The following POU2F1 variants were observed in gnomAD, a reference collection of about 807,000 sequenced individuals.
POU2F1 encodes POU class 2 homeobox 1, also known as POU domain, class 2, transcription factor 1.
In POU2F1, 16 loss-of-function variants were observed where a neutral mutation model predicts 84.9. That is an observed-to-expected ratio of 0.19 (90% CI 0.13 to 0.29). The LOEUF is 0.29. POU2F1 is among the 10% of genes least tolerant of loss of function. The pLI, the probability that POU2F1 is intolerant of heterozygous loss-of-function variation, is 1.00. For synonymous variants in POU2F1, 368 were observed against 368.3 expected (o/e 1.00, Z 0.01); for missense variants, 738 against 942.6 (o/e 0.78, Z 2.84).
At chr1:167,246,509 A>AT (rs1211414529) in intron 1 of POU2F1, among the ~76,000 whole-genome samples, 1 of 152,168 alleles carries the variant, frequency 6.6e-6, no homozygotes, top group Non-Finnish European at 1.5e-5. Flanking sequence ...TTATTATAAA[A>AT]TTTTTTAGTG....
intron 1 of POU2F1, among the ~76,000 whole-genome samples, chr1:167,282,604 T>C (rs1653235408): frequency 1.3e-5 from 2 of 152,198 alleles, no homozygotes; most frequent in South Asian, 4.1e-4. Flanking sequence ...TTTTTGCCTC[T>C]TCTTTTCACT....
chr1:167,290,623 A>G (rs996544638), intron 1 of POU2F1, among the ~76,000 whole-genome samples: 3 of 152,258 alleles, frequency 2.0e-5, no homozygotes, highest in East Asian at 1.9e-4. Flanking sequence ...GTGCCTATGC[A>G]TAGTAATCTC....
intron 2 of POU2F1, among the ~76,000 whole-genome samples, chr1:167,354,083 C>A (rs1333459466): frequency 6.6e-6 from 1 of 152,158 alleles, no homozygotes; most frequent in Admixed American, 6.5e-5. Flanking sequence ...TGAGATTCAT[C>A]CATGTTAGTA....
At chr1:167,309,951 C>T (rs988767780) in intron 1 of POU2F1, among the ~76,000 whole-genome samples, 2 of 152,054 alleles carry the variant, frequency 1.3e-5, no homozygotes, top group Non-Finnish European at 2.9e-5. Flanking sequence ...TAAGTCAATT[C>T]TGGTCTCATT....
intron 13 of POU2F1, among the ~76,000 whole-genome samples, chr1:167,409,788 TAGGACTTATA>T (rs1649828611): frequency 3.3e-5 from 5 of 152,122 alleles, no homozygotes; most frequent in Admixed American, 3.3e-4. Flanking sequence ...CTCAAGATAT[TAGGACTTATA>T]AAAATAGGCA....
At chr1:167,296,756 C>T (rs1178112067) in intron 1 of POU2F1, among the ~76,000 whole-genome samples, 3 of 152,116 alleles carry the variant, frequency 2.0e-5, no homozygotes, top group Non-Finnish European at 4.4e-5. Context: ...ATATATATGT[C>T]CATAGGTATA....
chr1:167,302,962 G>A (rs1004597318), intron 1 of POU2F1, among the ~76,000 whole-genome samples: 2 of 152,124 alleles, frequency 1.3e-5, no homozygotes, highest in African/African-American at 4.8e-5. Context: ...TGTGTACCAA[G>A]TATTGGTCTT....
chr1:167,321,834 T>C (rs1204673881), intron 1 of POU2F1, among the ~76,000 whole-genome samples: 1 of 152,174 alleles, frequency 6.6e-6, no homozygotes, highest in Admixed American at 6.5e-5. Flanking sequence ...TCCTGCATCA[T>C]ATGTTGACTT....
intron 9 of POU2F1, among the ~76,000 whole-genome samples, chr1:167,390,943 C>A (rs897924428): frequency 1.3e-5 from 2 of 152,248 alleles, no homozygotes; most frequent in Admixed American, 6.5e-5. Context: ...ATGAAAACCC[C>A]AAATTAACCA....
chr1:167,337,088 A>G (rs1489579224), intron 2 of POU2F1, among the ~76,000 whole-genome samples: 1 of 151,474 alleles, frequency 6.6e-6, no homozygotes, highest in African/African-American at 2.4e-5. Context: ...GCTTGACCTC[A>G]GGAGGTGGAG....
intron 1 of POU2F1, among the ~76,000 whole-genome samples, chr1:167,237,365 G>A (rs1289767921): frequency 6.6e-6 from 1 of 152,172 alleles, no homozygotes; most frequent in African/African-American, 2.4e-5. Flanking sequence ...TATTTGGGAT[G>A]GATGAGGAAA....
chr1:167,412,318 T>G lies in POU2F1; in HGVS notation c.1901+14T>G. 1 of 1,517,268 alleles carries G rather than the reference T, an allele frequency of 6.6e-7. No homozygotes were observed. Among genetic ancestry groups the G allele is most frequent in the Non-Finnish European group, 8.9e-7 (1 of 1,123,778 alleles). 94.0% of individuals were successfully genotyped at this position (1,517,268 alleles called of 1,614,324 possible). The stretch of plus-strand genomic sequence containing the variant: ...GTTTGCGGCTGGGTAAGGCGCTTTC[T>G]CATCTCATTCACGTCTGAGGTGGAG... On this transcript the variant is annotated intron_variant, in intron 14 of 15. Coordinates refer to ENST00000367866, the MANE Select transcript of POU2F1 (RefSeq NM_002697.4).
Position 167,377,579 on chromosome 1 carries a change from T to TC in POU2F1, c.718+1426dup, listed in dbSNP as rs370221270. Among the ~76,000 whole-genome samples, 472 of 152,258 alleles carry TC rather than the reference T, an allele frequency of 3.1e-3. 4 individuals carry two copies. Among genetic ancestry groups the TC allele is most frequent in the African/African-American group, 0.011 (437 of 41,542 alleles). On this transcript the variant is annotated intron_variant, in intron 7 of 15. Coordinates refer to ENST00000367866, the MANE Select transcript of POU2F1 (RefSeq NM_002697.4). ...TCCAGCCTGGGTGACAGAGTGAGAC[T>TC]CCGTCTAAAAAATAAAAAAATTAAA... is the stretch of plus-strand genomic sequence containing the variant.
intron 1 of POU2F1, among the ~76,000 whole-genome samples, chr1:167,286,891 A>G (rs1366989916): frequency 2.6e-5 from 4 of 152,192 alleles, no homozygotes; most frequent in African/African-American, 9.7e-5. Flanking sequence ...TTTTCCCTGC[A>G]AGCTCAAGGA....
At chr1:167,412,920 C>A in intron 14 of POU2F1, 106 bp from the exon 15 acceptor site, 1 of 835,264 alleles carries the variant, frequency 1.2e-6, no homozygotes, top group Non-Finnish European at 2.0e-6. Flanking sequence ...ATATTTCCAC[C>A]TATTTCCCCA....
At chr1:167,375,019 A>G (rs887185739) in intron 6 of POU2F1, among the ~76,000 whole-genome samples, 2 of 151,968 alleles carry the variant, frequency 1.3e-5, no homozygotes, top group Admixed American at 6.6e-5. Flanking sequence ...GTGAGCCGAG[A>G]TCGCGCCACT....
Position 167,332,459 on chromosome 1 carries a change from A to C in POU2F1, c.62-11A>C. The C allele has an allele frequency of 6.2e-7, 1 of 1,603,302 alleles. No homozygotes were observed. Among genetic ancestry groups the C allele is most frequent in the Non-Finnish European group, 8.5e-7 (1 of 1,170,458 alleles). ...TTTTTAAAAACCTTATTCTCCTCTG[A>C]TTTATTGCAGACTCAAGAATGAACA... On this transcript the variant is annotated splice_polypyrimidine_tract_variant and intron_variant, in intron 1 of 15. Transcript: ENST00000367866.
chr1:167,365,845 TGGTG>T (rs1275711479), intron 3 of POU2F1, among the ~76,000 whole-genome samples: 1 of 152,192 alleles, frequency 6.6e-6, no homozygotes, highest in Non-Finnish European at 1.5e-5. Flanking sequence ...TGGGTATCTG[TGGTG>T]GCTATCTGAT....
At chr1:167,411,061 G>A (rs1233661945) in intron 13 of POU2F1, among the ~76,000 whole-genome samples, 1 of 147,242 alleles carries the variant, frequency 6.8e-6, no homozygotes, top group Non-Finnish European at 1.5e-5. Flanking sequence ...TTTTTCTTGA[G>A]ATGGAGTCTT....
Sources: allele counts gnomAD v4.1 joint callset (sites outside exome capture counted in the v4.1 genomes callset), GRCh38; gene constraint gnomAD v4.1.1; transcripts MANE v1.5; gene names NCBI Gene and HGNC (gene_info 2026-07-23, HGNC 2026-07-21).